Variants in TMPRSS11F observed in about 807,000 individuals in gnomAD.
The protein encoded by TMPRSS11F is transmembrane serine protease 11F, also known as transmembrane protease serine 11F.
Under a neutral mutation model 60.2 loss-of-function variants are expected in TMPRSS11F, and 47 were observed. The observed-to-expected ratio is 0.78, with a 90% CI of 0.62 to 1.00. The LOEUF is 1.00. TMPRSS11F is among the 50% of genes least tolerant of loss of function. The pLI, the probability that TMPRSS11F is intolerant of heterozygous loss-of-function variation, is 0.00. For missense variants in TMPRSS11F, 519 were observed against 522.9 expected (o/e 0.99, Z 0.07); for synonymous variants, 166 against 167.3 (o/e 0.99, Z 0.06).
rs1347255741 is a variant in TMPRSS11F, at chr4:68,060,351, C to CAAAAA, written c.1016-888_1016-884dup. On this transcript the variant is annotated intron_variant, in intron 8 of 9. Coordinates refer to ENST00000356291, the MANE Select transcript of TMPRSS11F (RefSeq NM_207407.2). ...TGAAACCCTGTCTCTACTAAAAATA[C>CAAAAA]AAAAAAAAAAAAAAATTAGCCAGGC... Among the ~76,000 whole-genome samples, 385 of 121,538 alleles carry CAAAAA rather than the reference C, an allele frequency of 3.2e-3. 3 individuals carry two copies. The highest frequency in any genetic ancestry group is 0.011 in the African/African-American group (375 of 33,050). 79.7% of individuals were successfully genotyped at this position (121,538 alleles called of 152,430 possible).
At chr4:68,089,084 G>A (rs72649605) in intron 3 of TMPRSS11F, among the ~76,000 whole-genome samples, 1 of 151,830 alleles carries the variant, frequency 6.6e-6, no homozygotes, top group Admixed American at 6.6e-5. Flanking sequence ...ACCAAAAAAG[G>A]GTCCAAATCA....
At position 68,068,687 on chromosome 4, in the gene TMPRSS11F, G is replaced by A; in HGVS notation, c.686C>T (p.Ser229Leu). 3.1e-6 allele frequency: 5 copies of A among 1,614,168 alleles called. No homozygotes were observed. Among genetic ancestry groups the A allele is most frequent in the Non-Finnish European group, 4.2e-6 (5 of 1,180,022 alleles). Residue 229 changes from serine (S) to leucine (L), a missense_variant, in exon 7 of 10, where the codon TCA becomes TTA. Physicochemically the swap from Ser to Leu is moderately radical, Grantham distance 145. Coordinates refer to ENST00000356291, the MANE Select transcript of TMPRSS11F (RefSeq NM_207407.2). ...PWQASLQLIG[S>L]GHQCGASLIS... ...GAGGCTGGCTCCACACTGATGGCCT[G>A]ACCCTATGAGCTGGAGGCTGGCCTG...
intron 8 of TMPRSS11F, chr4:68,062,430 A>G: frequency 1.6e-6 from 1 of 622,302 alleles, no homozygotes; most frequent in Non-Finnish European, 3.1e-6. Flanking sequence ...TTTTGGTAAA[A>G]GGTTGAATAT....
At chr4:68,109,965 T>C (rs1037237128) in intron 1 of TMPRSS11F, among the ~76,000 whole-genome samples, 1 of 152,228 alleles carries the variant, frequency 6.6e-6, no homozygotes, top group Non-Finnish European at 1.5e-5. Context: ...CACTCTTCTA[T>C]GTGCAGCATA....
At chr4:68,059,526 C>A (rs939792936) in intron 8 of TMPRSS11F, 58 bp from the exon 9 acceptor site, 1 of 1,524,402 alleles carries the variant, frequency 6.6e-7, no homozygotes, top group African/African-American at 1.4e-5. Context: ...ACAATTGTAT[C>A]TAAGACATAG....
At position 68,099,982 on chromosome 4, in the gene TMPRSS11F, C is replaced by T. The variant is rs987818163; in HGVS notation, c.12-944G>A. Among the ~76,000 whole-genome samples the T allele has an allele frequency of 7.4e-5, 11 of 148,582 alleles. No homozygotes were observed. In the Admixed American group the frequency reaches 7.4e-4, roughly 10 times the overall value. ...CACTAAACTTTTTGAAGGGTTTTGTCAGGAGATTTTATTAAGAAAGTGACA... is the reference window on the plus strand; with the variant it reads ...CACTAAACTTTTTGAAGGGTTTTGTTAGGAGATTTTATTAAGAAAGTGACA... On this transcript the variant is annotated intron_variant, in intron 1 of 9. Coordinates refer to ENST00000356291, the MANE Select transcript of TMPRSS11F (RefSeq NM_207407.2).
Position 68,080,232 on chromosome 4 carries a change from G to C in TMPRSS11F, c.283-6223C>G, listed in dbSNP as rs144973097. The C allele has an allele frequency of 3.9e-5, 6 of 152,362 alleles. 1 individual carries two copies. The East Asian group carries it at 1.2e-3, about 29-fold the overall frequency. The allele number at this position is 152,362 out of a possible 1,614,324, so 9.4% of individuals were successfully genotyped here. A position where few individuals can be genotyped will look rare whatever the true frequency, so the allele number is the denominator to read the frequency against. On this transcript the variant is annotated intron_variant, in intron 3 of 9. Transcript: ENST00000356291. ...GGAAACAAAGCAAAGCCAGGATCAT[G>C]AGTTGGATTATCTGGAGGCCTAGGC...
At chr4:68,059,256 T>C (rs1723106640) in intron 9 of TMPRSS11F, 70 bp downstream of exon 9, 1 of 1,550,210 alleles carries the variant, frequency 6.5e-7, no homozygotes, top group Admixed American at 1.8e-5. Flanking sequence ...CTAGGTAAAA[T>C]ATATGCCAAA....
Position 68,098,919 on chromosome 4 carries a change from G to C in TMPRSS11F, c.131C>G (p.Ala44Gly). ...AACAAAATGAGTAACAATACCAATT[G>C]CAATTCCTATGATTGCTACAATTGC... The part of the protein sequence containing the change: ...TLAIVAIIGI[A>G]IGIVTHFVVE... The change falls in exon 2 of 10, where the codon GCA becomes GGA. Residue 44 changes from alanine (A) to glycine (G), a missense_variant. Transcript: ENST00000356291. 1.9e-6 allele frequency: 3 copies of C among 1,612,230 alleles called. No homozygotes were observed. Among genetic ancestry groups the C allele is most frequent in the Non-Finnish European group, 2.5e-6 (3 of 1,179,182 alleles).
chr4:68,064,870 C>T lies in TMPRSS11F; in HGVS notation c.830G>A (p.Arg277Lys), dbSNP rs1723290117. The change falls in exon 8 of 10, where the codon AGG becomes AAG. Residue 277 changes from arginine (R) to lysine (K), a missense_variant. By Grantham distance (26) the Arg-to-Lys change is conservative. Coordinates refer to ENST00000356291, the MANE Select transcript of TMPRSS11F (RefSeq NM_207407.2). ...ITPPAVKRNV[R>K]KIILHENYHR... ...GTAATTCTCATGAAGAATAATTTTCCTCACATTTCGTTTCACTGCGGGTGG... is the reference window on the plus strand; with the variant it reads ...GTAATTCTCATGAAGAATAATTTTCTTCACATTTCGTTTCACTGCGGGTGG... 6.2e-7 allele frequency: 1 copy of T among 1,613,890 alleles called. No homozygotes were observed. Among genetic ancestry groups the T allele is most frequent in the South Asian group, 1.1e-5 (1 of 91,064 alleles).
rs145113772 is a variant in TMPRSS11F, at chr4:68,117,015, C to T, written c.11+12795G>A. 6.0e-3 allele frequency among the ~76,000 whole-genome samples: 906 copies of T among 152,216 alleles called. 9 individuals carry two copies. The highest frequency in any genetic ancestry group is 0.01 in the Non-Finnish European group (692 of 68,004). The stretch of plus-strand genomic sequence containing the variant: ...ACAAGGGGATTACATCAAACTAAAA[C>T]GCTTCTGCACAGTCAAGGAATCAAT... On this transcript the variant is annotated intron_variant, in intron 1 of 9. Transcript: ENST00000356291.
chr4:68,107,195 T>A (rs36002873), intron 1 of TMPRSS11F, among the ~76,000 whole-genome samples: 34,001 of 152,206 alleles, frequency 0.22, 4,601 homozygotes, highest in East Asian at 0.49. Context: ...ATTTAGTACA[T>A]GTTCAGTTAG....
At chr4:68,125,718 A>G (rs1724701903) in intron 1 of TMPRSS11F, among the ~76,000 whole-genome samples, 1 of 152,140 alleles carries the variant, frequency 6.6e-6, no homozygotes, top group Non-Finnish European at 1.5e-5. Context: ...TTTAAAGACT[A>G]CTGCAAATAC....
At chr4:68,087,382 A>G (rs1365632536) in intron 3 of TMPRSS11F, among the ~76,000 whole-genome samples, 1 of 152,182 alleles carries the variant, frequency 6.6e-6, no homozygotes, top group East Asian at 1.9e-4. Context: ...AGAGCTATCT[A>G]TGACAAACCC....
intron 1 of TMPRSS11F, among the ~76,000 whole-genome samples, chr4:68,108,681 A>G (rs1024168990): frequency 1.2e-4 from 19 of 152,210 alleles, no homozygotes; most frequent in African/African-American, 4.6e-4. Flanking sequence ...ACTCCTGGGT[A>G]GGCTTTGACT....
intron 7 of TMPRSS11F, among the ~76,000 whole-genome samples, chr4:68,066,580 G>T (rs1723332891): frequency 6.6e-6 from 1 of 152,122 alleles, no homozygotes; most frequent in Admixed American, 6.5e-5. Context: ...AGACATAAAG[G>T]TTTTAAGGTT....
Position 68,053,389 on chromosome 4 carries a change from T to G in TMPRSS11F, c.*520A>C, listed in dbSNP as rs1722981276. The G allele has an allele frequency of 6.5e-6, 1 of 152,716 alleles. No homozygotes were observed. The highest frequency in any genetic ancestry group is 1.5e-5 in the Non-Finnish European group (1 of 68,100). 9.5% of individuals were successfully genotyped at this position (152,716 alleles called of 1,614,324 possible). On this transcript the variant is annotated 3_prime_UTR_variant, in exon 10 of 10. Transcript: ENST00000356291. ...ACTGTTGAGGTTAGAGATAGTGCTC[T>G]GTATTATTAGATATAAGCCCAGTTC...
At chr4:68,069,268 G>A (rs541374673) in intron 6 of TMPRSS11F, among the ~76,000 whole-genome samples, 2 of 152,236 alleles carry the variant, frequency 1.3e-5, no homozygotes, top group South Asian at 2.1e-4. Flanking sequence ...TACTGAGAGA[G>A]AGCCCAATAC....
intron 3 of TMPRSS11F, among the ~76,000 whole-genome samples, chr4:68,086,070 A>C (rs1723805390): frequency 6.6e-6 from 1 of 152,148 alleles, no homozygotes; most frequent in South Asian, 2.1e-4. Context: ...ACAACCATAG[A>C]ATATATATTT....
Sources: allele counts gnomAD v4.1 joint callset (sites outside exome capture counted in the v4.1 genomes callset), GRCh38; gene constraint gnomAD v4.1.1; transcripts MANE v1.5; gene names NCBI Gene and HGNC (gene_info 2026-07-23, HGNC 2026-07-21).